The following SHISA6 variants were observed in gnomAD, a reference collection of about 807,000 sequenced individuals.
The protein encoded by SHISA6 is shisa family member 6, also known as protein shisa-6.
In SHISA6, 22 loss-of-function variants were observed where a neutral mutation model predicts 47.9. The ratio of observed to expected loss-of-function variants is 0.46; its 90% confidence interval spans 0.33 to 0.66. The LOEUF (loss-of-function observed/expected upper bound fraction) is 0.66. Ranked by LOEUF, SHISA6 falls within the 30% of genes least tolerant of loss-of-function variation. The pLI is 0.02. For missense variants in SHISA6, 680 were observed against 764.6 expected, an observed-to-expected ratio of 0.89 and a Z score of 1.30; for synonymous variants, 388 against 337.8, an observed-to-expected ratio of 1.15 and a Z score of -1.63.
chr17:11,425,111 C>T (rs205047), intron 3 of SHISA6, among the ~76,000 whole-genome samples: 138,227 of 151,978 alleles, frequency 0.91, 62,891 homozygotes, highest in Admixed American at 0.93. Flanking sequence ...TTTTATGTGT[C>T]TGAAATCTTT....
At chr17:11,486,890 CA>C (rs1916361570) in intron 3 of SHISA6, among the ~76,000 whole-genome samples, 1 of 152,248 alleles carries the variant, frequency 6.6e-6, no homozygotes, top group Admixed American at 6.5e-5. Context: ...CCAGCTCACT[CA>C]GCACAGTTGG....
At chr17:11,535,196 G>T (rs1245811416) in intron 3 of SHISA6, among the ~76,000 whole-genome samples, 1 of 152,116 alleles carries the variant, frequency 6.6e-6, no homozygotes, top group Non-Finnish European at 1.5e-5. Context: ...GTATAAGATG[G>T]CAGAGGACCC....
At chr17:11,554,745 A>G (rs765621194) in intron 4 of SHISA6, among the ~76,000 whole-genome samples, 4 of 152,020 alleles carry the variant, frequency 2.6e-5, no homozygotes, top group Non-Finnish European at 4.4e-5. Context: ...CTCCTCCTCA[A>G]GTCTGTGAAG....
At chr17:11,250,152 T>C (rs1214258130) in intron 1 of SHISA6, among the ~76,000 whole-genome samples, 1 of 152,232 alleles carries the variant, frequency 6.6e-6, no homozygotes, top group Non-Finnish European at 1.5e-5. Flanking sequence ...CTGCATGAGA[T>C]AGTAGACAGT....
intron 2 of SHISA6, among the ~76,000 whole-genome samples, chr17:11,342,796 G>A (rs1911583081): frequency 6.6e-6 from 1 of 152,350 alleles, no homozygotes; most frequent in East Asian, 1.9e-4. Flanking sequence ...CAACTTGTCA[G>A]AAGTAGGGGC....
chr17:11,248,513 C>T (rs898342965), intron 1 of SHISA6, among the ~76,000 whole-genome samples: 19 of 152,134 alleles, frequency 1.2e-4, no homozygotes, highest in Admixed American at 8.5e-4. Context: ...ACTCTTTGCA[C>T]GTTCCTTGGT....
intron 3 of SHISA6, among the ~76,000 whole-genome samples, chr17:11,484,167 C>T (rs1467716012): frequency 2.6e-5 from 4 of 151,918 alleles, no homozygotes; most frequent in Admixed American, 6.6e-5. Flanking sequence ...TAAAAGGATA[C>T]AATTAAATAA....
In SHISA6 at chr17:11,250,571, A is replaced by G. The variant is rs1320332377; in HGVS notation, c.638+8511A>G. ...CAGGCAGGGAAGCCATGGCTGTGCTACCTGGGTAGAATGGCATTCCTTCAT... is the reference window on the plus strand; with the variant it reads ...CAGGCAGGGAAGCCATGGCTGTGCTGCCTGGGTAGAATGGCATTCCTTCAT... On this transcript the variant is annotated intron_variant, in intron 1 of 5. Transcript: ENST00000441885. 2.6e-5 allele frequency among the ~76,000 whole-genome samples: 4 copies of G among 152,188 alleles called. No individual in the cohort carries two copies. The South Asian group carries it at 6.2e-4, about 24-fold the overall frequency.
chr17:11,320,669 A>AG (rs1555528248), intron 2 of SHISA6, among the ~76,000 whole-genome samples: 17 of 49,006 alleles, frequency 3.5e-4, no homozygotes, highest in Middle Eastern at 0.015. Flanking sequence ...CAAAAAAAAA[A>AG]AGAGAGAGAG....
At chr17:11,493,383 C>T (rs763371075) in intron 3 of SHISA6, among the ~76,000 whole-genome samples, 6 of 152,046 alleles carry the variant, frequency 3.9e-5, no homozygotes, top group East Asian at 1.9e-4. Flanking sequence ...CATGCCACCA[C>T]GCTCAGCTAA....
chr17:11,544,398 C>T (rs554674584), intron 3 of SHISA6, among the ~76,000 whole-genome samples: 56 of 151,776 alleles, frequency 3.7e-4, no homozygotes, highest in Non-Finnish European at 5.7e-4. Context: ...GCAGAAGTAA[C>T]GACGAGACAT....
intron 3 of SHISA6, among the ~76,000 whole-genome samples, chr17:11,407,917 G>T (rs944011806): frequency 1.3e-5 from 2 of 152,172 alleles, no homozygotes; most frequent in Non-Finnish European, 2.9e-5. Context: ...TTCACCTTTT[G>T]TATAAGGTGG....
At chr17:11,482,348 A>G (rs1916242999) in intron 3 of SHISA6, among the ~76,000 whole-genome samples, 1 of 152,238 alleles carries the variant, frequency 6.6e-6, no homozygotes, top group Non-Finnish European at 1.5e-5. Flanking sequence ...TGTTCTCCGT[A>G]ACATAAGTTT....
intron 2 of SHISA6, among the ~76,000 whole-genome samples, chr17:11,265,243 A>G (rs1182423823): frequency 6.6e-6 from 1 of 152,232 alleles, no homozygotes; most frequent in African/African-American, 2.4e-5. Context: ...ACATGCGTCT[A>G]GTGGTCAGAA....
chr17:11,452,874 A>C, intron 3 of SHISA6, among the ~76,000 whole-genome samples: 1 of 146,456 alleles, frequency 6.8e-6, no homozygotes. Flanking sequence ...TACTTCTCTG[A>C]GTTCCCTTTC....
intron 2 of SHISA6, 121 bp downstream of exon 2, chr17:11,263,647 G>A (rs1908326493): frequency 2.4e-6 from 3 of 1,271,308 alleles, no homozygotes; most frequent in South Asian, 1.5e-5. Context: ...TCATGGACAG[G>A]CAGGCTGGCA....
intron 2 of SHISA6, among the ~76,000 whole-genome samples, chr17:11,281,293 G>A (rs1455942725): frequency 2.0e-5 from 3 of 152,096 alleles, no homozygotes; most frequent in African/African-American, 7.2e-5. Context: ...TATGTATTTT[G>A]GAGATGCCCT....
intron 3 of SHISA6, among the ~76,000 whole-genome samples, chr17:11,389,538 C>G (rs927756974): frequency 1.3e-5 from 2 of 152,200 alleles, no homozygotes; most frequent in African/African-American, 4.8e-5. Context: ...GAAGGGGAGG[C>G]TCACGGGAAG....
At chr17:11,280,129 C>T (rs1233616363) in intron 2 of SHISA6, among the ~76,000 whole-genome samples, 1 of 152,122 alleles carries the variant, frequency 6.6e-6, no homozygotes, top group Non-Finnish European at 1.5e-5. Context: ...GGTGGCGTTT[C>T]TGTTTATGTT....
Sources: allele counts gnomAD v4.1 joint callset (sites outside exome capture counted in the v4.1 genomes callset), GRCh38; gene constraint gnomAD v4.1.1; transcripts MANE v1.5; gene names NCBI Gene and HGNC (gene_info 2026-07-23, HGNC 2026-07-21).